The following MGAT4C variants were observed in gnomAD, a reference collection of about 807,000 sequenced individuals.
MGAT4C encodes the protein alpha-1,3-mannosyl-glycoprotein 4-beta-N-acetylglucosaminyltransferase C.
In MGAT4C, 19 loss-of-function variants were observed where a neutral mutation model predicts 40.1. That is an observed-to-expected ratio of 0.47 (90% confidence interval 0.33 to 0.70). The LOEUF (loss-of-function observed/expected upper bound fraction) is 0.70, where lower values mean the gene tolerates loss of function less well. MGAT4C is among the 30% of genes least tolerant of loss of function. MGAT4C has a pLI of 0.02. For missense variants in MGAT4C, 491 were observed against 563.2 expected, an observed-to-expected ratio of 0.87 and a Z score of 1.30; for synonymous variants, 181 against 187.1, an observed-to-expected ratio of 0.97 and a Z score of 0.27.
In MGAT4C at chr12:86,182,193, T is replaced by G. The variant is rs1270986106; in HGVS notation, c.-57+74046A>C. Among the ~76,000 whole-genome samples the G allele has an allele frequency of 2.6e-5, 4 of 152,312 alleles. No individual in the cohort carries two copies. The East Asian group carries it at 7.7e-4, about 29-fold the overall frequency. On this transcript the variant is annotated intron_variant, in intron 1 of 4. Transcript: ENST00000611864. ...TTTATATTCCTTAAATGTTTGAAGA[T>G]AGCTTTCATTTTTCTCTTCTATCTT...
intron 3 of MGAT4C, among the ~76,000 whole-genome samples, chr12:86,341,325 T>C (rs1954900969): frequency 6.6e-6 from 1 of 152,180 alleles, no homozygotes; most frequent in Non-Finnish European, 1.5e-5. Context: ...GGGCCTTCAA[T>C]CTTCAGTCTG....
At chr12:86,231,147 T>C (rs1951306681) in intron 1 of MGAT4C, among the ~76,000 whole-genome samples, 2 of 152,342 alleles carry the variant, frequency 1.3e-5, no homozygotes, top group South Asian at 4.1e-4. Context: ...AAATCAGATT[T>C]TTCTGACTAA....
intron 2 of MGAT4C, among the ~76,000 whole-genome samples, chr12:86,437,578 C>T (rs1957157807): frequency 1.3e-5 from 2 of 151,776 alleles, no homozygotes; most frequent in Non-Finnish European, 2.9e-5. Flanking sequence ...TGTTTTATTG[C>T]AATTTGCTTT....
At chr12:86,241,448 A>C (rs1476482763) in intron 1 of MGAT4C, among the ~76,000 whole-genome samples, 1 of 152,166 alleles carries the variant, frequency 6.6e-6, no homozygotes, top group African/African-American at 2.4e-5. Context: ...CCTAATTACT[A>C]ACTCTTTATT....
chr12:86,654,889 T>C (rs911257868), intron 2 of MGAT4C, among the ~76,000 whole-genome samples: 1 of 151,972 alleles, frequency 6.6e-6, no homozygotes, highest in South Asian at 2.1e-4. Flanking sequence ...CTAGAACTTT[T>C]TGTGGAAGGA....
At chr12:86,553,826 TCA>T (rs1959480390) in intron 2 of MGAT4C, among the ~76,000 whole-genome samples, 2 of 152,186 alleles carry the variant, frequency 1.3e-5, no homozygotes, top group Admixed American at 1.3e-4. Flanking sequence ...CTTTACTACT[TCA>T]CTCATCTAAG....
At chr12:86,767,948 A>T (rs562264141) in intron 1 of MGAT4C, among the ~76,000 whole-genome samples, 143 of 152,290 alleles carry the variant, frequency 9.4e-4, no homozygotes, top group South Asian at 3.9e-3. Flanking sequence ...TCCCTTTGAA[A>T]ACTGGCACAA....
Position 86,032,515 on chromosome 12 carries a change from T to C in MGAT4C, c.-7+17159A>G, listed in dbSNP as rs140054252. ...TGATTTGCATTTCTCCAATTATTAG[T>C]AATGTTGAGCATTTTTTCATATGTT... On this transcript the variant is annotated intron_variant, in intron 2 of 4. Coordinates refer to ENST00000611864, the MANE Select transcript of MGAT4C (RefSeq NM_001351288.2). Among the ~76,000 whole-genome samples the C allele has an allele frequency of 2.3e-3, 349 of 150,082 alleles. 10 individuals are homozygous for C. The highest frequency in any genetic ancestry group is 0.015 in the Middle Eastern group (4 of 274).
At chr12:86,812,986 T>C (rs1019477520) in intron 1 of MGAT4C, among the ~76,000 whole-genome samples, 1 of 152,084 alleles carries the variant, frequency 6.6e-6, no homozygotes, top group African/African-American at 2.4e-5. Flanking sequence ...GGATGCCTAC[T>C]TTTACTAGGT....
At chr12:86,275,508 T>C (rs1035034190) in intron 4 of MGAT4C, among the ~76,000 whole-genome samples, 4 of 152,164 alleles carry the variant, frequency 2.6e-5, no homozygotes, top group African/African-American at 9.7e-5. Context: ...CCTGGGAATA[T>C]GTTACCTTAC....
intron 3 of MGAT4C, among the ~76,000 whole-genome samples, chr12:86,338,764 A>G (rs961918418): frequency 3.9e-5 from 6 of 152,034 alleles, no homozygotes; most frequent in African/African-American, 1.4e-4. Flanking sequence ...GTTTGAGACC[A>G]GCCTGGCCAA....
intron 2 of MGAT4C, among the ~76,000 whole-genome samples, chr12:86,541,187 T>C (rs1224296881): frequency 1.3e-5 from 2 of 152,214 alleles, no homozygotes; most frequent in Admixed American, 6.5e-5. Flanking sequence ...TAGGGAGACA[T>C]AATCCAATAT....
chr12:86,491,118 A>G (rs1012065662), intron 2 of MGAT4C, among the ~76,000 whole-genome samples: 2 of 152,166 alleles, frequency 1.3e-5, no homozygotes, highest in African/African-American at 4.8e-5. Context: ...CTCTGAATAG[A>G]CCAATAACAG....
At chr12:86,235,178 G>A (rs1048502215) in intron 1 of MGAT4C, among the ~76,000 whole-genome samples, 6 of 151,756 alleles carry the variant, frequency 4.0e-5, no homozygotes, top group East Asian at 1.9e-4. Context: ...CTATAGATTC[G>A]GCAGCATAAT....
chr12:86,194,621 AT>A (rs539524406), intron 1 of MGAT4C, among the ~76,000 whole-genome samples: 10,757 of 144,334 alleles, frequency 0.075, 1,009 homozygotes, highest in African/African-American at 0.23. Flanking sequence ...TGCCCAACTA[AT>A]TTTTTTTTTT....
intron 2 of MGAT4C, among the ~76,000 whole-genome samples, chr12:86,018,161 G>A (rs749627335): frequency 1.3e-5 from 2 of 152,074 alleles, no homozygotes; most frequent in Non-Finnish European, 2.9e-5. Context: ...CACTTCCTCA[G>A]TGCAAATTAT....
chr12:86,190,106 C>T (rs954824058), intron 1 of MGAT4C, among the ~76,000 whole-genome samples: 3 of 152,056 alleles, frequency 2.0e-5, no homozygotes, highest in Admixed American at 2.0e-4. Context: ...GGAATTTCCA[C>T]TTAGCTCTCA....
chr12:86,781,422 A>G (rs764848001), intron 1 of MGAT4C, among the ~76,000 whole-genome samples: 4 of 152,158 alleles, frequency 2.6e-5, no homozygotes, highest in Non-Finnish European at 2.9e-5. Flanking sequence ...AGAAAATGAT[A>G]GTATAGAAGA....
At chr12:86,414,399 T>G (rs996351839) in intron 3 of MGAT4C, among the ~76,000 whole-genome samples, 2 of 152,154 alleles carry the variant, frequency 1.3e-5, no homozygotes, top group Non-Finnish European at 2.9e-5. Context: ...ATATTATGTG[T>G]GATCAGCAAA....
Sources: gnomAD v4.1 joint callset for allele counts (sites outside exome capture counted in the v4.1 genomes callset) on GRCh38, gnomAD v4.1.1 for gene constraint, MANE v1.5 for transcripts, NCBI Gene and HGNC (gene_info 2026-07-23, HGNC 2026-07-21) for gene names.